Variants in PLEKHM2 observed in about 807,000 individuals in gnomAD.
PLEKHM2 encodes pleckstrin homology domain-containing family M member 2.
A neutral mutation model predicts 116.3 loss-of-function variants in PLEKHM2; 77 were observed. The observed-to-expected ratio is 0.66, with a 90% CI of 0.55 to 0.80. PLEKHM2 has a LOEUF of 0.80. Among genes scored for constraint, PLEKHM2 ranks in the 30% least tolerant of loss-of-function variants. PLEKHM2 has a pLI of 0.00. For synonymous variants in PLEKHM2, 562 were observed against 571.0 expected, an observed-to-expected ratio of 0.98 and a Z score of 0.22; for missense variants, 1,183 against 1,354.9, an observed-to-expected ratio of 0.87 and a Z score of 1.99.
intron 1 of PLEKHM2, among the ~76,000 whole-genome samples, chr1:15,715,690 A>G (rs1272045899): frequency 6.6e-6 from 1 of 152,216 alleles, no homozygotes. Context: ...TTTCTAATAT[A>G]TGACTGGGAA....
At chr1:15,686,909 C>CA (rs1014607659) in intron 1 of PLEKHM2, among the ~76,000 whole-genome samples, 2 of 152,096 alleles carry the variant, frequency 1.3e-5, no homozygotes, top group Non-Finnish European at 2.9e-5. Context: ...TTCGGCCTCC[C>CA]AAAGTGCTGG....
chr1:15,714,834 C>T (rs984862833), intron 1 of PLEKHM2, among the ~76,000 whole-genome samples: 1 of 152,232 alleles, frequency 6.6e-6, no homozygotes, highest in Non-Finnish European at 1.5e-5. Flanking sequence ...AGTAGCAGAA[C>T]AGGATATGGC....
Position 15,727,650 on chromosome 1 carries a change from GCTGGAGGCC to G in PLEKHM2, c.1580_1588del (p.Leu527_Ala529del), listed in dbSNP as rs1466307724. On this transcript the variant is annotated inframe_deletion, in exon 9 of 20. Transcript: ENST00000375799. This position sits in a 1 kb window ranked among gnomAD's most constrained non-coding sequence, Gnocchi z 7.5. ...AGGATACCACGAGGGAGGCTCAGGA[GCTGGAGGCC>G]CAGCTGTCCCTGGTCAGGGAGGGGC... is the stretch of plus-strand genomic sequence containing the variant. The G allele has an allele frequency of 3.8e-6, 6 of 1,594,012 alleles. No individual in the cohort carries two copies. Among genetic ancestry groups the G allele is most frequent in the Non-Finnish European group, 5.1e-6 (6 of 1,171,102 alleles).
rs1204296792 is a variant in PLEKHM2, at chr1:15,733,796, G to A, written c.2923-1G>A. 1 of 1,612,678 alleles carries A rather than the reference G, an allele frequency of 6.2e-7. No homozygotes were observed. The highest frequency in any genetic ancestry group is 1.7e-5 in the Admixed American group (1 of 59,986). ...TCTGTTCTCTGCACGCCCCAACACAGGTGGACCTCCCCCACACGGCGATCC... is the reference window on the plus strand; with the variant it reads ...TCTGTTCTCTGCACGCCCCAACACAAGTGGACCTCCCCCACACGGCGATCC... On this transcript the variant is annotated splice_acceptor_variant, in intron 19 of 19. Transcript: ENST00000375799. LOFTEE classifies it high-confidence loss of function.
rs1463472875 is a variant in PLEKHM2, at chr1:15,728,099, T to C, written c.1781T>C (p.Leu594Pro). The change falls in exon 10 of 20, where the codon CTC becomes CCC. Residue 594 changes from leucine to proline, a missense_variant. Around this residue, in one of 3 missense-constraint regions of PLEKHM2, gnomAD observed 594 missense variants for 720.1 expected, o/e 0.82. Transcript: ENST00000375799. The surrounding 1 kb of genome is among the most constrained non-coding windows in gnomAD (Gnocchi z 5.9). ...SEFRVDNNHL[L>P]LLMIHVFREN... is the part of the protein sequence containing the mutation. ...CACAGAGTAGACAACAATCACCTGC[T>C]CCTGCTCATGATCCACGTGTTCCGA... is the stretch of plus-strand genomic sequence containing the variant. 6 of 1,611,072 alleles carry C rather than the reference T, an allele frequency of 3.7e-6. No individual in the cohort carries two copies. The highest frequency in any genetic ancestry group is 5.1e-6 in the Non-Finnish European group (6 of 1,178,750).
Position 15,686,872 on chromosome 1 carries a change from G to A in PLEKHM2, c.60+2254G>A, listed in dbSNP as rs1246003464. Among the ~76,000 whole-genome samples the A allele has an allele frequency of 1.3e-5, 2 of 151,858 alleles. 1 individual carries two copies. Among genetic ancestry groups the A allele is most frequent in the Admixed American group, 1.3e-4 (2 of 15,228 alleles). ...CACCATGTTAACCAGGGATGGTCTC[G>A]ATCTCCTCACCTTGTGATCTGCCCG... is the stretch of plus-strand genomic sequence containing the variant. On this transcript the variant is annotated intron_variant, in intron 1 of 19. Transcript: ENST00000375799.
intron 1 of PLEKHM2, among the ~76,000 whole-genome samples, chr1:15,707,237 CAT>C (rs1454602062): frequency 6.8e-6 from 1 of 147,378 alleles, no homozygotes; most frequent in Non-Finnish European, 1.5e-5. Context: ...GCCTAGACAA[CAT>C]AGCAAAACTC....
intron 1 of PLEKHM2, among the ~76,000 whole-genome samples, chr1:15,688,640 ACT>A (rs1640822841): frequency 7.4e-6 from 1 of 135,670 alleles, no homozygotes; most frequent in African/African-American, 3.1e-5. Context: ...ACAGAGGGAG[ACT>A]CTGTCTCAAA....
rs762389912 is a variant in PLEKHM2 at position 15,732,025 on chromosome 1, C to T, written c.2602C>T (p.Leu868Phe). Reference protein sequence around the residue: ...EAEMAEWMQHLCQAVSKGVIP... With the variant: ...EAEMAEWMQHFCQAVSKGVIP... ...CGAGATGGCCGAGTGGATGCAGCAT[C>T]TCTGCCAGGCTGTGTCCAAAGGGGT... Residue 868 changes from leucine to phenylalanine, a missense_variant, in exon 17 of 20, where the codon CTC (leucine) becomes TTC (phenylalanine). Transcript: ENST00000375799. 1 of 1,612,118 alleles carries T rather than the reference C, an allele frequency of 6.2e-7. No homozygotes were observed. Among genetic ancestry groups the T allele is most frequent in the South Asian group, 1.1e-5 (1 of 91,038 alleles).
chr1:15,732,320 C>T (rs1279757615), intron 17 of PLEKHM2, 30 bp from the exon 18 acceptor site: 43 of 1,531,968 alleles, frequency 2.8e-5, no homozygotes, highest in Non-Finnish European at 3.5e-5. Context: ...CTGGAGGCCC[C>T]AGCCTGCCTC....
intron 7 of PLEKHM2, 60 bp from the exon 8 acceptor site, chr1:15,725,256 TG>T: frequency 8.0e-7 from 1 of 1,246,822 alleles, no homozygotes; most frequent in Non-Finnish European, 1.1e-6. Context: ...ACGCATGCTC[TG>T]GGGGTCGGGG....
chr1:15,723,899 G>A (rs541664303), intron 7 of PLEKHM2, among the ~76,000 whole-genome samples: 1 of 152,376 alleles, frequency 6.6e-6, no homozygotes, highest in African/African-American at 2.4e-5. Flanking sequence ...ACAGCGGCCA[G>A]CAAGATGAGC....
At chr1:15,722,202 G>T (rs1167997699) in intron 7 of PLEKHM2, among the ~76,000 whole-genome samples, 1 of 152,200 alleles carries the variant, frequency 6.6e-6, no homozygotes, top group African/African-American at 2.4e-5. Flanking sequence ...GGAGTGCAGT[G>T]GTGTGATCTT....
intron 5 of PLEKHM2, 59 bp downstream of exon 5, chr1:15,718,684 A>AG: frequency 5.6e-6 from 1 of 178,060 alleles, no homozygotes; most frequent in Non-Finnish European, 1.1e-5. Context: ...GGGTGGGGGC[A>AG]GGGTGGGCGG....
At chr1:15,697,385 C>T (rs1050211244) in intron 1 of PLEKHM2, among the ~76,000 whole-genome samples, 3 of 152,214 alleles carry the variant, frequency 2.0e-5, no homozygotes, top group Non-Finnish European at 2.9e-5. Context: ...GAGGAGTCCT[C>T]GGTCCCTCCG....
intron 2 of PLEKHM2, 40 bp downstream of exon 2, chr1:15,716,383 C>A: frequency 1.5e-6 from 2 of 1,290,356 alleles, no homozygotes; most frequent in Non-Finnish European, 1.1e-6. Flanking sequence ...GGAGCACAAC[C>A]CAGGCCATGA....
chr1:15,728,745 C>T lies in PLEKHM2; in HGVS notation c.1986+12C>T. 2 of 1,602,832 alleles carry T rather than the reference C, an allele frequency of 1.2e-6. No homozygotes were observed. The highest frequency in any genetic ancestry group is 2.2e-5 in the South Asian group (2 of 89,286). ...TTGACTATGTGTCGGTGAGTCCAGG[C>T]CCCGCAGTTGTGCGCCTGCTGTAGG... On this transcript the variant is annotated intron_variant, in intron 12 of 19. Transcript: ENST00000375799. This position sits in a 1 kb window ranked among gnomAD's most constrained non-coding sequence, Gnocchi z 5.9.
At chr1:15,700,562 C>T (rs1641089643) in intron 1 of PLEKHM2, among the ~76,000 whole-genome samples, 1 of 152,334 alleles carries the variant, frequency 6.6e-6, no homozygotes, top group South Asian at 2.1e-4. Context: ...GTTTCATTCA[C>T]TGATAACTTC....
At chr1:15,699,560 T>G (rs1328215228) in intron 1 of PLEKHM2, among the ~76,000 whole-genome samples, 1 of 152,206 alleles carries the variant, frequency 6.6e-6, no homozygotes, top group Non-Finnish European at 1.5e-5. Flanking sequence ...CCATGGTGTA[T>G]ATGTGCCACA....
Sources: gnomAD v4.1 joint callset for allele counts (sites outside exome capture counted in the v4.1 genomes callset) on GRCh38, gnomAD v4.1.1 for gene constraint, gnomAD v4.1.1 regional missense constraint, Gnocchi (gnomAD v3.1) non-coding constraint, MANE v1.5 for transcripts, NCBI Gene and HGNC (gene_info 2026-07-23, HGNC 2026-07-21) for gene names.